The following RAB8A variants were observed in gnomAD, a reference collection of about 807,000 sequenced individuals.
The protein encoded by RAB8A is RAB8A, member RAS oncogene family, also known as ras-related protein Rab-8A.
RAB8A carries 5 observed loss-of-function variants against 29.2 expected under a neutral mutation model. The ratio of observed to expected loss-of-function variants is 0.17; its 90% confidence interval spans 0.09 to 0.36. RAB8A has a LOEUF of 0.36. Ranked by LOEUF, RAB8A falls within the 10% of genes least tolerant of loss-of-function variation. RAB8A has a pLI of 1.00. For synonymous variants in RAB8A, 108 were observed against 99.9 expected (o/e 1.08, Z -0.49); for missense variants, 171 against 272.2 (o/e 0.63, Z 2.62).
At position 16,125,117 on chromosome 19, in the gene RAB8A, G is replaced by A. The variant is rs2144992530; in HGVS notation, c.247-353G>A. ...GTGAGGGGAGTGCTGCTGGCAGTGGGCCTGTGGACCGGCTCCCACCGTCAG... is the reference window on the plus strand; with the variant it reads ...GTGAGGGGAGTGCTGCTGGCAGTGGACCTGTGGACCGGCTCCCACCGTCAG... On this transcript the variant is annotated intron_variant, in intron 3 of 7. Transcript: ENST00000300935. This position sits in a 1 kb window ranked among gnomAD's most constrained non-coding sequence, Gnocchi z 5.0. 1 of 390,694 alleles carries A rather than the reference G, an allele frequency of 2.6e-6. No homozygotes were observed. Among genetic ancestry groups the A allele is most frequent in the African/African-American group, 2.0e-5 (1 of 49,232 alleles). 24.2% of individuals were successfully genotyped at this position (390,694 alleles called of 1,614,324 possible).
In RAB8A at chr19:16,132,455, C is replaced by T. The variant is rs199893118; in HGVS notation, c.*151C>T. On this transcript the variant is annotated 3_prime_UTR_variant, in exon 8 of 8. Coordinates refer to ENST00000300935, the MANE Select transcript of RAB8A (RefSeq NM_005370.5). This position sits in a 1 kb window ranked among gnomAD's most constrained non-coding sequence, Gnocchi z 5.6. ...GGCCACCAGAATGCAATTGAGAAAT[C>T]GTTTATTTTAGTAACTGTCTGATCT... is the stretch of plus-strand genomic sequence containing the variant. 6.1e-6 allele frequency: 4 copies of T among 656,502 alleles called. No individual in the cohort carries two copies. Among genetic ancestry groups the T allele is most frequent in the Middle Eastern group, 4.2e-4 (1 of 2,392 alleles). The allele number at this position is 656,502 out of a possible 1,614,324, so 40.7% of individuals were successfully genotyped here.
rs2090916552 is a variant in RAB8A at position 16,129,595 on chromosome 19, CA to C, written c.528del (p.Lys176AsnfsTer46). 1 of 1,613,842 alleles carries C rather than the reference CA, an allele frequency of 6.2e-7. No individual in the cohort carries two copies. The highest frequency in any genetic ancestry group is 8.5e-7 in the Non-Finnish European group (1 of 1,179,972). On this transcript the variant is annotated frameshift_variant, in exon 7 of 8. Transcript: ENST00000300935. LOFTEE classifies it high-confidence loss of function. ...LARDIKAKMD[K>X]KLEGNSPQGS... ...CCAGAGATATCAAAGCAAAAATGGA[CA>C]AAAAATTGGTGAGTGTGTGTCCTTC...
At chr19:16,119,555 C>CAGTT (rs780721916) in intron 2 of RAB8A, among the ~76,000 whole-genome samples, 2 of 152,066 alleles carry the variant, frequency 1.3e-5, no homozygotes, top group African/African-American at 2.4e-5. Context: ...GTTTAACTTG[C>CAGTT]AGTTCATCCT....
In RAB8A at chr19:16,111,947, G is replaced by T; in HGVS notation, c.46G>T (p.Asp16Tyr). 6.2e-7 allele frequency: 1 copy of T among 1,614,072 alleles called. No homozygotes were observed. The highest frequency in any genetic ancestry group is 8.5e-7 in the Non-Finnish European group (1 of 1,179,904). Residue 16 changes from aspartate (D) to tyrosine (Y), a missense_variant, in exon 1 of 8, where the codon GAC (aspartate) becomes TAC (tyrosine). Around this residue, in one of 3 missense-constraint regions of RAB8A, gnomAD observed 26 missense variants for 42.9 expected, o/e 0.61. Coordinates refer to ENST00000300935, the MANE Select transcript of RAB8A (RefSeq NM_005370.5). ...DYLFKLLLIG[D>Y]SGVGKTCVLF... The stretch of plus-strand genomic sequence containing the variant: ...CCTGTTCAAGCTGCTGCTGATCGGG[G>T]ACTCGGGGGTGGGGAAGACCTGTGT...
At chr19:16,112,766 G>C (rs541634695) in intron 1 of RAB8A, 1 of 152,250 alleles carries the variant, frequency 6.6e-6, no homozygotes, top group Admixed American at 6.5e-5. Flanking sequence ...CAGAGGTTGA[G>C]CCCCTCTCCC....
At chr19:16,115,790 T>C (rs1226722121) in intron 1 of RAB8A, among the ~76,000 whole-genome samples, 1 of 152,166 alleles carries the variant, frequency 6.6e-6, no homozygotes, top group Non-Finnish European at 1.5e-5. Flanking sequence ...TAGCAGTGGA[T>C]GAGACTTGTC....
rs202121639 is a variant in RAB8A at position 16,133,453 on chromosome 19, C to CTT, written c.*1161_*1162dup. The CTT allele has an allele frequency of 2.6e-3, 377 of 144,982 alleles. No individual in the cohort carries two copies. The highest frequency in any genetic ancestry group is 7.2e-3 in the Middle Eastern group (2 of 278). The allele number at this position is 144,982 out of a possible 1,614,324, so 9.0% of individuals were successfully genotyped here. On this transcript the variant is annotated 3_prime_UTR_variant, in exon 8 of 8. Coordinates refer to ENST00000300935, the MANE Select transcript of RAB8A (RefSeq NM_005370.5). Reference sequence around the variant, plus strand: ...TCACCAGCCTTTTCTTTTTTTCTTTCTTTTTTTTTTTTTCCTCCTTAAGCT... The same window carrying CTT: ...TCACCAGCCTTTTCTTTTTTTCTTTCTTTTTTTTTTTTTTTCCTCCTTAAGCT...
At position 16,125,926 on chromosome 19, in the gene RAB8A, G is replaced by A; in HGVS notation, c.324+379G>A. ...AGGGTGTGGTGAGCAGGCGTCAGTT[G>A]TACTTTGAGCTATATCGGAGCAGGG... is the stretch of plus-strand genomic sequence containing the variant. On this transcript the variant is annotated intron_variant, in intron 4 of 7. Coordinates refer to ENST00000300935, the MANE Select transcript of RAB8A (RefSeq NM_005370.5). The surrounding 1 kb of genome is among the most constrained non-coding windows in gnomAD (Gnocchi z 5.0). The A allele has an allele frequency of 2.7e-6, 1 of 370,594 alleles. No homozygotes were observed. Among genetic ancestry groups the A allele is most frequent in the Non-Finnish European group, 5.3e-6 (1 of 189,818 alleles). The allele number at this position is 370,594 out of a possible 1,614,324, so 23.0% of individuals were successfully genotyped here. A position where few individuals can be genotyped will look rare whatever the true frequency, so the allele number is the denominator to read the frequency against.
At chr19:16,118,769 G>A (rs1178910911) in intron 2 of RAB8A, among the ~76,000 whole-genome samples, 4 of 152,124 alleles carry the variant, frequency 2.6e-5, no homozygotes, top group Admixed American at 6.6e-5. Context: ...CGTACAGACC[G>A]AAACCCCAAA....
Position 16,130,166 on chromosome 19 carries a change from A to T in RAB8A, c.531+562A>T, listed in dbSNP as rs577364381. Among the ~76,000 whole-genome samples, 25 of 140,514 alleles carry T rather than the reference A, an allele frequency of 1.8e-4. No homozygotes were observed. In the East Asian group the frequency reaches 3.9e-3, roughly 22 times the overall value. The allele number at this position is 140,514 out of a possible 152,430, so 92.2% of individuals were successfully genotyped here. On this transcript the variant is annotated intron_variant, in intron 7 of 7. Coordinates refer to ENST00000300935, the MANE Select transcript of RAB8A (RefSeq NM_005370.5). ...ATTCGTTTCTTGCTTTTTTTTTTTTACCACGTTAGCGATTTCCTAGTCCGC... is the reference window on the plus strand; with the variant it reads ...ATTCGTTTCTTGCTTTTTTTTTTTTTCCACGTTAGCGATTTCCTAGTCCGC...
At chr19:16,128,117 C>T (rs748696816) in intron 6 of RAB8A, 26 bp downstream of exon 6, 3 of 1,610,786 alleles carry the variant, frequency 1.9e-6, no homozygotes, top group Non-Finnish European at 1.7e-6. Flanking sequence ...TGCTGGGAGA[C>T]ATGGGGCCTG....
At position 16,121,818 on chromosome 19, in the gene RAB8A, C is replaced by CTT. The variant is rs748606797; in HGVS notation, c.246+12_246+13dup. ...TACTACAGGGGTGCAATGGTAGGGACTTTTTGTTTGGTTGTTTTTATCTGC... is the reference window on the plus strand; with the variant it reads ...TACTACAGGGGTGCAATGGTAGGGACTTTTTTTGTTTGGTTGTTTTTATCTGC... On this transcript the variant is annotated intron_variant, in intron 3 of 7. Coordinates refer to ENST00000300935, the MANE Select transcript of RAB8A (RefSeq NM_005370.5). The CTT allele has an allele frequency of 1.2e-6, 2 of 1,612,180 alleles. No individual in the cohort carries two copies. Among genetic ancestry groups the CTT allele is most frequent in the South Asian group, 2.2e-5 (2 of 91,046 alleles).
chr19:16,118,249 A>T lies in RAB8A; in HGVS notation c.148A>T (p.Ile50Leu), dbSNP rs145971722. The change falls in exon 2 of 8, where the codon ATA becomes TTA. Residue 50 changes from isoleucine (I) to leucine (L), a missense_variant. This residue lies in a region of RAB8A where 145 missense variants were observed against 212.8 expected (regional missense o/e 0.68). Transcript: ENST00000300935. The stretch of plus-strand genomic sequence containing the variant: ...AGGAATTGACTTTAAAATTAGGACC[A>T]TAGAGCTCGATGGCAAGAGAATTAA... ...TIGIDFKIRT[I>L]ELDGKRIKLQ... The T allele has an allele frequency of 5.0e-6, 8 of 1,610,714 alleles. No homozygotes were observed. In the African/African-American group the frequency reaches 1.1e-4, roughly 22 times the overall value.
chr19:16,125,300 A>AGAG lies in RAB8A; in HGVS notation c.247-165_247-163dup. ...GCAGAAAGAAGGGCCACAGGGATGGAGAGGAGGGGGCTGGCTTCCGGGGCT... is the reference window on the plus strand; with the variant it reads ...GCAGAAAGAAGGGCCACAGGGATGGAGAGGAGGAGGGGGCTGGCTTCCGGGGCT... On this transcript the variant is annotated intron_variant, in intron 3 of 7. Transcript: ENST00000300935. The surrounding 1 kb of genome is among the most constrained non-coding windows in gnomAD (Gnocchi z 5.0). The AGAG allele has an allele frequency of 1.6e-6, 1 of 632,214 alleles. No homozygotes were observed. Among genetic ancestry groups the AGAG allele is most frequent in the Non-Finnish European group, 2.8e-6 (1 of 353,644 alleles). 39.2% of individuals were successfully genotyped at this position (632,214 alleles called of 1,614,324 possible).
intron 1 of RAB8A, among the ~76,000 whole-genome samples, chr19:16,117,217 G>A (rs1357092479): frequency 2.0e-5 from 3 of 151,772 alleles, no homozygotes; most frequent in African/African-American, 7.3e-5. Flanking sequence ...GGCCGGGTGC[G>A]GTGGCTGATG....
At chr19:16,115,342 T>C (rs1339355116) in intron 1 of RAB8A, among the ~76,000 whole-genome samples, 1 of 152,186 alleles carries the variant, frequency 6.6e-6, no homozygotes, top group Non-Finnish European at 1.5e-5. Context: ...GGGTTTTCTT[T>C]ATAGACAAGG....
At chr19:16,124,098 C>A (rs2090886752) in intron 3 of RAB8A, 2 of 152,154 alleles carry the variant, frequency 1.3e-5, no homozygotes, top group Admixed American at 1.3e-4. Context: ...GGGTCCAGTC[C>A]CCGGATAAAG....
intron 2 of RAB8A, among the ~76,000 whole-genome samples, chr19:16,121,537 C>T (rs1260140890): frequency 2.0e-5 from 3 of 151,898 alleles, no homozygotes; most frequent in Non-Finnish European, 4.4e-5. Flanking sequence ...TCAGGGATCC[C>T]ATCATGGCTC....
chr19:16,129,629 C>T (rs760483722), intron 7 of RAB8A, 25 bp downstream of exon 7: 4 of 1,611,558 alleles, frequency 2.5e-6, no homozygotes, highest in African/African-American at 1.3e-5. Context: ...TTCCGAGATC[C>T]CCGGGTGGAT....
Sources: allele counts gnomAD v4.1 joint callset (sites outside exome capture counted in the v4.1 genomes callset), GRCh38; gene constraint gnomAD v4.1.1; regional missense constraint gnomAD v4.1.1; non-coding constraint Gnocchi (gnomAD v3.1); transcripts MANE v1.5; gene names NCBI Gene and HGNC (gene_info 2026-07-23, HGNC 2026-07-21).